KHDRBS2: variants seen among roughly 807,000 people sequenced by gnomAD.
The protein encoded by KHDRBS2 is KH RNA binding domain containing, signal transduction associated 2.
Under a neutral mutation model 44.3 loss-of-function variants are expected in KHDRBS2, and 26 were observed. The observed-to-expected ratio is 0.59, with a 90% CI of 0.43 to 0.81. The LOEUF is 0.81. KHDRBS2 is among the 40% of genes least tolerant of loss of function. The probability of loss-of-function intolerance (pLI) is 0.00; values close to 1 mark genes in which losing one functional copy is unlikely to be tolerated. For missense variants in KHDRBS2, 476 were observed against 433.1 expected, an observed-to-expected ratio of 1.10 and a Z score of -0.88; for synonymous variants, 194 against 151.1, an observed-to-expected ratio of 1.28 and a Z score of -2.08.
intron 7 of KHDRBS2, among the ~76,000 whole-genome samples, chr6:61,702,020 G>A (rs1003837636): frequency 6.6e-6 from 1 of 151,866 alleles, no homozygotes; most frequent in Admixed American, 6.6e-5. Flanking sequence ...ATGAAACTTA[G>A]ATTTTCTTTG....
At chr6:61,797,726 TG>T (rs1340184230) in intron 6 of KHDRBS2, among the ~76,000 whole-genome samples, 7 of 13,064 alleles carry the variant, frequency 5.4e-4, no homozygotes, top group African/African-American at 1.1e-3. Flanking sequence ...TATGGTGTTT[TG>T]TGTGTGTGTG....
intron 4 of KHDRBS2, among the ~76,000 whole-genome samples, chr6:61,958,862 T>C (rs1768009461): frequency 6.6e-6 from 1 of 152,152 alleles, no homozygotes; most frequent in South Asian, 2.1e-4. Context: ...GGGCTCCTCA[T>C]TCCTACATCA....
the KHDRBS2 span, among the ~76,000 whole-genome samples, chr6:61,554,392 T>G: frequency 3.7e-3 from 558 of 152,266 alleles, 2 homozygotes; most frequent in African/African-American, 0.013. Flanking sequence ...TTTGAGTCTT[T>G]TGGTGTCACC....
chr6:62,196,883 T>C (rs1825820392), intron 1 of KHDRBS2, among the ~76,000 whole-genome samples: 1 of 152,022 alleles, frequency 6.6e-6, no homozygotes. Context: ...ATGGTGTGTG[T>C]ACAGCCAGAA....
chr6:61,562,466 AAAG>A, the KHDRBS2 span, among the ~76,000 whole-genome samples: 1 of 152,318 alleles, frequency 6.6e-6, no homozygotes, highest in South Asian at 2.1e-4. Flanking sequence ...TCCCTGTTGA[AAAG>A]AAGGGAAGAG....
In KHDRBS2 at chr6:62,178,273, T is replaced by C. The variant is rs149786640; in HGVS notation, c.92-961A>G. Among the ~76,000 whole-genome samples, 374 of 151,654 alleles carry C rather than the reference T, an allele frequency of 2.5e-3. 1 individual carries two copies. Among genetic ancestry groups the C allele is most frequent in the African/African-American group, 8.7e-3 (363 of 41,492 alleles). Reference sequence around the variant, plus strand: ...GACTAAGAAGAGCTTAACAGTCTGATGAAAACCAAGCTTTGCTTGCTCTTG... The same window carrying C: ...GACTAAGAAGAGCTTAACAGTCTGACGAAAACCAAGCTTTGCTTGCTCTTG... On this transcript the variant is annotated intron_variant, in intron 1 of 8. Transcript: ENST00000281156.
chr6:61,853,856 ATC>A (rs1795797859), intron 6 of KHDRBS2, among the ~76,000 whole-genome samples: 1 of 152,192 alleles, frequency 6.6e-6, no homozygotes, highest in African/African-American at 2.4e-5. Flanking sequence ...TGAAAGTAGC[ATC>A]TGTTTTTCAT....
chr6:61,732,123 T>C (rs565620747), intron 7 of KHDRBS2, among the ~76,000 whole-genome samples: 3 of 152,190 alleles, frequency 2.0e-5, no homozygotes, highest in Non-Finnish European at 2.9e-5. Context: ...AAGTTCATCA[T>C]ATATAAATAA....
intron 2 of KHDRBS2, among the ~76,000 whole-genome samples, chr6:62,084,533 T>C (rs1010923991): frequency 6.6e-6 from 1 of 152,178 alleles, no homozygotes; most frequent in African/African-American, 2.4e-5. Flanking sequence ...GAACAATAGA[T>C]AGCCAGAGAA....
chr6:62,127,339 A>T (rs1425289207), intron 2 of KHDRBS2, among the ~76,000 whole-genome samples: 1 of 152,200 alleles, frequency 6.6e-6, no homozygotes, highest in Non-Finnish European at 1.5e-5. Context: ...AATAAAAAAA[A>T]CAAACTTTGG....
chr6:62,084,341 T>A (rs2127357842), intron 2 of KHDRBS2, among the ~76,000 whole-genome samples: 1 of 152,302 alleles, frequency 6.6e-6, no homozygotes, highest in East Asian at 1.9e-4. Flanking sequence ...TTTAACATTA[T>A]CCAATGATGT....
intron 3 of KHDRBS2, among the ~76,000 whole-genome samples, chr6:62,025,059 T>C (rs1377205291): frequency 1.3e-5 from 2 of 151,728 alleles, no homozygotes; most frequent in Non-Finnish European, 3.0e-5. Flanking sequence ...TTACTAAATA[T>C]GTCTATATCT....
At position 62,280,725 on chromosome 6, in the gene KHDRBS2, A is replaced by G. The variant is rs189900672; in HGVS notation, c.91+5133T>C. ...GTGAAAGAAGTATTCTATTTCTTCA[A>G]ATTATTCACATTGAATCATGTTGAC... On this transcript the variant is annotated intron_variant, in intron 1 of 8. Coordinates refer to ENST00000281156, the MANE Select transcript of KHDRBS2 (RefSeq NM_152688.4). Among the ~76,000 whole-genome samples, 16 of 152,358 alleles carry G rather than the reference A, an allele frequency of 1.1e-4. No homozygotes were observed. In the Middle Eastern group the frequency reaches 0.01, roughly 97 times the overall value.
At chr6:62,262,095 C>T (rs1395648882) in intron 1 of KHDRBS2, among the ~76,000 whole-genome samples, 2 of 151,718 alleles carry the variant, frequency 1.3e-5, no homozygotes, top group Non-Finnish European at 3.0e-5. Flanking sequence ...TCATTAAGGT[C>T]ACCTATCCTG....
intron 2 of KHDRBS2, among the ~76,000 whole-genome samples, chr6:62,166,150 T>C (rs1041298571): frequency 4.6e-5 from 7 of 152,062 alleles, no homozygotes; most frequent in African/African-American, 1.7e-4. Context: ...TGAAATTCTA[T>C]TATTCTAATA....
chr6:61,954,985 T>C (rs1220242283), intron 4 of KHDRBS2, among the ~76,000 whole-genome samples: 6 of 79,938 alleles, frequency 7.5e-5, no homozygotes, highest in South Asian at 4.1e-4. Flanking sequence ...TATGTATGTG[T>C]ATACATATAT....
intron 1 of KHDRBS2, among the ~76,000 whole-genome samples, chr6:62,212,205 A>C (rs946360871): frequency 2.0e-5 from 3 of 152,200 alleles, no homozygotes; most frequent in Non-Finnish European, 4.4e-5. Flanking sequence ...TATATGTTAC[A>C]TATATAGGTA....
At chr6:61,561,910 C>A in the KHDRBS2 span, among the ~76,000 whole-genome samples, 2 of 152,288 alleles carry the variant, frequency 1.3e-5, no homozygotes, top group East Asian at 3.9e-4. Flanking sequence ...CACTTAGATA[C>A]CAAGATATTT....
At chr6:61,932,582 C>T (rs1810268230) in intron 4 of KHDRBS2, among the ~76,000 whole-genome samples, 1 of 152,104 alleles carries the variant, frequency 6.6e-6, no homozygotes. Context: ...AGGCGGATCA[C>T]GAGGTCAGGA....
Sources: allele counts gnomAD v4.1 joint callset (sites outside exome capture counted in the v4.1 genomes callset), GRCh38; gene constraint gnomAD v4.1.1; transcripts MANE v1.5; gene names NCBI Gene and HGNC (gene_info 2026-07-23, HGNC 2026-07-21).